The following OSBPL10 variants were observed in gnomAD, a reference collection of about 807,000 sequenced individuals.
The protein encoded by OSBPL10 is oxysterol binding protein like 10.
Under a neutral mutation model 81.7 loss-of-function variants are expected in OSBPL10, and 49 were observed. That is an observed-to-expected ratio of 0.60 (90% CI 0.48 to 0.76). The LOEUF is 0.76. Ranked by LOEUF, OSBPL10 falls within the 30% of genes least tolerant of loss-of-function variation. OSBPL10 has a pLI of 0.00. For synonymous variants in OSBPL10, 419 were observed against 383.6 expected, an observed-to-expected ratio of 1.09 and a Z score of -1.08; for missense variants, 923 against 987.8, an observed-to-expected ratio of 0.93 and a Z score of 0.88.
chr3:31,733,415 A>G lies in OSBPL10; in HGVS notation c.941-4T>C. 6.2e-7 allele frequency: 1 copy of G among 1,614,144 alleles called. No individual in the cohort carries two copies. Among genetic ancestry groups the G allele is most frequent in the Non-Finnish European group, 8.5e-7 (1 of 1,180,014 alleles). On this transcript the variant is annotated splice_polypyrimidine_tract_variant and splice_region_variant and intron_variant, in intron 5 of 11. Transcript: ENST00000396556. ...CCGTGCCATCCCAGGATGTTTTCTG[A>G]AATAAAGACCTAGAATGATGCCAAG... is the stretch of plus-strand genomic sequence containing the variant.
At chr3:31,876,339 A>C (rs886447150) in intron 3 of OSBPL10, 94 bp downstream of exon 3, 19 of 1,096,842 alleles carry the variant, frequency 1.7e-5, no homozygotes, top group Non-Finnish European at 2.4e-5. Context: ...CTTAAAAAAT[A>C]ACATGAAAAA....
chr3:32,030,429 A>C (rs952122429), intron 2 of OSBPL10: 1 of 671,830 alleles, frequency 1.5e-6, no homozygotes, highest in Non-Finnish European at 2.8e-6. Flanking sequence ...TGGTAAAGAA[A>C]CAAGTTAAGG....
chr3:32,070,263 T>C (rs1487952052), intron 1 of OSBPL10, among the ~76,000 whole-genome samples: 1 of 152,186 alleles, frequency 6.6e-6, no homozygotes, highest in East Asian at 1.9e-4. Context: ...ACAGCCAAGC[T>C]TCAAAACCCC....
chr3:31,729,361 G>A (rs1373886875), intron 6 of OSBPL10, among the ~76,000 whole-genome samples: 1 of 152,100 alleles, frequency 6.6e-6, no homozygotes, highest in African/African-American at 2.4e-5. Context: ...ATTTGATATG[G>A]GAATTAGGTG....
chr3:31,797,023 G>C (rs1274689221), intron 4 of OSBPL10, among the ~76,000 whole-genome samples: 5 of 129,526 alleles, frequency 3.9e-5, no homozygotes, highest in African/African-American at 1.4e-4. Context: ...TGAGACAGAG[G>C]CTTGCTCTGT....
intron 2 of OSBPL10, among the ~76,000 whole-genome samples, chr3:32,021,696 G>A (rs1699365161): frequency 6.6e-6 from 1 of 152,116 alleles, no homozygotes; most frequent in African/African-American, 2.4e-5. Flanking sequence ...ATTCTAGGCT[G>A]GGTATGATGG....
At chr3:31,914,212 C>T (rs1559515939) in intron 1 of OSBPL10, among the ~76,000 whole-genome samples, 1 of 152,204 alleles carries the variant, frequency 6.6e-6, no homozygotes, top group African/African-American at 2.4e-5. Context: ...TGAGCCACTG[C>T]ACCCAGCCTC....
chr3:31,760,185 A>G (rs1316539962), intron 4 of OSBPL10, among the ~76,000 whole-genome samples: 1 of 152,178 alleles, frequency 6.6e-6, no homozygotes. Flanking sequence ...GAGGAGGAGA[A>G]TAGGAGGGGT....
chr3:32,026,677 G>A (rs1699418314), intron 2 of OSBPL10, among the ~76,000 whole-genome samples: 1 of 152,204 alleles, frequency 6.6e-6, no homozygotes, highest in South Asian at 2.1e-4. Context: ...AACCAAGAGA[G>A]ATCTGGGGAA....
At chr3:32,070,135 ACT>A (rs1699816924) in intron 1 of OSBPL10, among the ~76,000 whole-genome samples, 1 of 152,126 alleles carries the variant, frequency 6.6e-6, no homozygotes, top group African/African-American at 2.4e-5. Context: ...GCTTTAGGTA[ACT>A]CTTATGGTGG....
intron 1 of OSBPL10, among the ~76,000 whole-genome samples, chr3:31,945,149 C>CAAA (rs71628589): frequency 8.6e-5 from 7 of 81,608 alleles, no homozygotes; most frequent in South Asian, 4.5e-4. Flanking sequence ...GACTCCGTCT[C>CAAA]AAAAAAAAAA....
intron 2 of OSBPL10, among the ~76,000 whole-genome samples, chr3:32,011,191 C>T (rs1021903058): frequency 3.3e-5 from 5 of 152,352 alleles, no homozygotes; most frequent in African/African-American, 1.2e-4. Context: ...AGGCACCCCC[C>T]AGTAGGGGCA....
At chr3:31,677,819 C>T (rs1055955382) in intron 8 of OSBPL10, among the ~76,000 whole-genome samples, 4 of 149,904 alleles carry the variant, frequency 2.7e-5, no homozygotes, top group African/African-American at 7.6e-5. Context: ...CGGTGGCTCA[C>T]GCCTGTAATC....
chr3:31,820,023 G>A (rs1285113144), intron 4 of OSBPL10, among the ~76,000 whole-genome samples: 4 of 152,084 alleles, frequency 2.6e-5, no homozygotes, highest in Non-Finnish European at 5.9e-5. Context: ...ATCTCTTAAT[G>A]TAGATCTCCT....
chr3:31,752,009 C>T (rs1356208471), intron 4 of OSBPL10, among the ~76,000 whole-genome samples: 1 of 152,174 alleles, frequency 6.6e-6, no homozygotes, highest in East Asian at 1.9e-4. Flanking sequence ...ATGTCCATCT[C>T]TCTCTCATTT....
At chr3:31,892,424 A>G (rs1695918742) in intron 1 of OSBPL10, among the ~76,000 whole-genome samples, 1 of 152,236 alleles carries the variant, frequency 6.6e-6, no homozygotes, top group Non-Finnish European at 1.5e-5. Context: ...AAGTAGGGAA[A>G]GGCCAGGAAA....
intron 4 of OSBPL10, among the ~76,000 whole-genome samples, chr3:31,755,193 G>A (rs760601875): frequency 2.6e-5 from 4 of 152,138 alleles, no homozygotes; most frequent in Non-Finnish European, 5.9e-5. Flanking sequence ...TCCAGGATGG[G>A]AGCAGGATTA....
intron 1 of OSBPL10, among the ~76,000 whole-genome samples, chr3:31,956,697 C>T (rs983342689): frequency 1.3e-5 from 2 of 151,936 alleles, no homozygotes; most frequent in African/African-American, 4.8e-5. Flanking sequence ...CATTGCACTC[C>T]AACCTGGGCG....
chr3:31,700,119 T>C (rs1313862313), intron 7 of OSBPL10, among the ~76,000 whole-genome samples: 1 of 147,678 alleles, frequency 6.8e-6, no homozygotes, highest in Non-Finnish European at 1.5e-5. Flanking sequence ...TTCCTTTGGT[T>C]TTTGAATGAC....
Sources: allele counts gnomAD v4.1 joint callset (sites outside exome capture counted in the v4.1 genomes callset), GRCh38; gene constraint gnomAD v4.1.1; transcripts MANE v1.5; gene names NCBI Gene and HGNC (gene_info 2026-07-23, HGNC 2026-07-21).